PPBP: variants seen among roughly 807,000 people sequenced by gnomAD.
PPBP encodes pro-platelet basic protein.
Under a neutral mutation model 8.3 loss-of-function variants are expected in PPBP, and 8 were observed. The ratio of observed to expected loss-of-function variants is 0.97; its 90% CI spans 0.57 to 1.75. PPBP has a LOEUF of 1.75. PPBP is among the 40% of genes most tolerant of loss of function. PPBP has a pLI of 0.00. For synonymous variants in PPBP, 64 were observed against 58.9 expected (o/e 1.09, Z -0.40); for missense variants, 169 against 149.2 (o/e 1.13, Z -0.69).
At position 73,987,541 on chromosome 4, in the gene PPBP, G is replaced by A. The variant is rs150179122; in HGVS notation, c.260C>T (p.Thr87Ile). 3.7e-6 allele frequency: 6 copies of A among 1,613,908 alleles called. No homozygotes were observed. The highest frequency in any genetic ancestry group is 4.2e-6 in the Non-Finnish European group (5 of 1,179,946). The change falls in exon 2 of 3, where the codon ACC becomes ATC. Residue 87 changes from threonine to isoleucine, a missense_variant. Coordinates refer to ENST00000296028, the MANE Select transcript of PPBP (RefSeq NM_002704.3). ...IQSLEVIGKGTHCNQVEVIAT... is the reference protein window; with the variant it reads ...IQSLEVIGKGIHCNQVEVIAT... ...CATCACTTCGACTTGGTTGCAATGG[G>A]TTCCTTTCCCGATCACTTCCAAACT...
At chr4:73,987,740 A>C in intron 1 of PPBP, 88 bp from the exon 2 acceptor site, 1 of 1,509,512 alleles carries the variant, frequency 6.6e-7, no homozygotes, top group African/African-American at 1.4e-5. Flanking sequence ...TACCTCTCTC[A>C]TAAAGCCATT....
rs1271477191 is a variant in PPBP, at chr4:73,987,895, CT to C, written c.148+60del. The C allele has an allele frequency of 5.6e-6, 9 of 1,609,850 alleles. No individual in the cohort carries two copies. In the East Asian group the frequency reaches 2.0e-4, roughly 36 times the overall value. ...CCAGCCCCAAAGGCACCAAGCTAGT[CT>C]TTACCCCAGAGACAGGTGTAGCAGA... is the stretch of plus-strand genomic sequence containing the variant. On this transcript the variant is annotated intron_variant, in intron 1 of 2. Coordinates refer to ENST00000296028, the MANE Select transcript of PPBP (RefSeq NM_002704.3).
At position 73,987,020 on chromosome 4, in the gene PPBP, G is replaced by A. The variant is rs1293017266; in HGVS notation, c.*252C>T. 2 of 439,680 alleles carry A rather than the reference G, an allele frequency of 4.5e-6. No homozygotes were observed. Among genetic ancestry groups the A allele is most frequent in the East Asian group, 4.6e-5 (1 of 21,836 alleles). The allele number at this position is 439,680 out of a possible 1,614,324, so 27.2% of individuals were successfully genotyped here. A position where few individuals can be genotyped will look rare whatever the true frequency, so the allele number is the denominator to read the frequency against. ...AATAGAAATTTTTAAAGAAAAAAATGCAAAGTACAGTCCAATGTTTAGGCA... is the reference window on the plus strand; with the variant it reads ...AATAGAAATTTTTAAAGAAAAAAATACAAAGTACAGTCCAATGTTTAGGCA... On this transcript the variant is annotated 3_prime_UTR_variant, in exon 3 of 3. Coordinates refer to ENST00000296028, the MANE Select transcript of PPBP (RefSeq NM_002704.3).
rs778342233 is a variant in PPBP, at chr4:73,987,695, C to T, written c.149-43G>A. 8.3e-5 allele frequency: 133 copies of T among 1,594,528 alleles called. No individual in the cohort carries two copies. In the East Asian group the frequency reaches 1.7e-3, roughly 20 times the overall value. On this transcript the variant is annotated intron_variant, in intron 1 of 2. Coordinates refer to ENST00000296028, the MANE Select transcript of PPBP (RefSeq NM_002704.3). The stretch of plus-strand genomic sequence containing the variant: ...ACCTATTGGTGGTCATGAATATTTT[C>T]CTCAGGTCTCTTATTTGCAGATTGA...
At chr4:73,987,761 T>C (rs1053896675) in intron 1 of PPBP, 109 bp from the exon 2 acceptor site, 5 of 1,464,614 alleles carry the variant, frequency 3.4e-6, no homozygotes, top group Non-Finnish European at 4.7e-6. Flanking sequence ...GTGAATATGA[T>C]CTGTAACGCT....
At position 73,987,362 on chromosome 4, in the gene PPBP, C is replaced by CTTCA. The variant is rs1405764601; in HGVS notation, c.293_296dup (p.Lys99AsnfsTer27). The CTTCA allele has an allele frequency of 6.2e-7, 1 of 1,613,756 alleles. No individual in the cohort carries two copies. The highest frequency in any genetic ancestry group is 8.5e-7 in the Non-Finnish European group (1 of 1,179,662). ...GGTCCAGGCAGATTTTCCTCCCATC[C>CTTCA]TTCAGTGTGGCTCTGCAAAAGAGAA... On this transcript the variant is annotated frameshift_variant, in exon 3 of 3. Coordinates refer to ENST00000296028, the MANE Select transcript of PPBP (RefSeq NM_002704.3). LOFTEE classifies it low-confidence loss of function (END_TRUNC).
intron 1 of PPBP, 105 bp from the exon 2 acceptor site, chr4:73,987,757 A>C: frequency 6.8e-7 from 1 of 1,475,596 alleles, no homozygotes. Flanking sequence ...CATTGTGAAT[A>C]TGATCTGTAA....
In PPBP at chr4:73,986,918, T is replaced by C. The variant is rs1345510313; in HGVS notation, c.*354A>G. ...TGTAATTCCTATTATCATTGACCAT[T>C]ATGAAATCTAATAATACCCATGAGT... On this transcript the variant is annotated 3_prime_UTR_variant, in exon 3 of 3. Coordinates refer to ENST00000296028, the MANE Select transcript of PPBP (RefSeq NM_002704.3). 2 of 229,538 alleles carry C rather than the reference T, an allele frequency of 8.7e-6. No individual in the cohort carries two copies. Among genetic ancestry groups the C allele is most frequent in the African/African-American group, 4.7e-5 (2 of 42,354 alleles). 14.2% of individuals were successfully genotyped at this position (229,538 alleles called of 1,614,324 possible).
chr4:73,987,150 A>G lies in PPBP; in HGVS notation c.*122T>C. On this transcript the variant is annotated 3_prime_UTR_variant, in exon 3 of 3. Transcript: ENST00000296028. ...TGTGATTTTTGAGACAGAATGAAAC[A>G]CATATCCAAATTTTAATACAGTAAG... 1.2e-6 allele frequency: 1 copy of G among 844,616 alleles called. No individual in the cohort carries two copies. The highest frequency in any genetic ancestry group is 2.6e-5 in the East Asian group (1 of 38,120). 52.3% of individuals were successfully genotyped at this position (844,616 alleles called of 1,614,324 possible). A position where few individuals can be genotyped will look rare whatever the true frequency, so the allele number is the denominator to read the frequency against.
At chr4:73,987,434 T>C in intron 2 of PPBP, 60 bp from the exon 3 acceptor site, 1 of 1,607,380 alleles carries the variant, frequency 6.2e-7, no homozygotes. Flanking sequence ...AACTAATCCA[T>C]GAGACTGGAG....
At position 73,987,356 on chromosome 4, in the gene PPBP, C is replaced by T; in HGVS notation, c.303G>A (p.Gly101=). 6.2e-7 allele frequency: 1 copy of T among 1,613,858 alleles called. No individual in the cohort carries two copies. The highest frequency in any genetic ancestry group is 8.5e-7 in the Non-Finnish European group (1 of 1,179,794). ...CATCTGGGTCCAGGCAGATTTTCCT[C>T]CCATCCTTCAGTGTGGCTCTGCAAA... ...QVEVIATLKD[G]RKICLDPDAP... The change falls in exon 3 of 3, where the codon GGG becomes GGA. Residue 101 remains glycine, a synonymous_variant. Transcript: ENST00000296028.
intron 1 of PPBP, 79 bp downstream of exon 1, chr4:73,987,877 C>T: frequency 1.9e-6 from 3 of 1,594,184 alleles, no homozygotes; most frequent in South Asian, 1.1e-5. Flanking sequence ...TCTCCAGCCC[C>T]AAAGGCACCA....
Position 73,987,196 on chromosome 4 carries a change from G to A in PPBP, c.*76C>T, listed in dbSNP as rs548203131. The A allele has an allele frequency of 3.1e-6, 4 of 1,281,646 alleles. No individual in the cohort carries two copies. The highest frequency in any genetic ancestry group is 4.5e-6 in the Non-Finnish European group (4 of 888,820). The allele number at this position is 1,281,646 out of a possible 1,614,324, so 79.4% of individuals were successfully genotyped here. On this transcript the variant is annotated 3_prime_UTR_variant, in exon 3 of 3. Transcript: ENST00000296028. Reference sequence around the variant, plus strand: ...GTAAGAATAGGTATCCTGAATAAATGAGAACTCTAGAAAATCAAGGTTTCA... The same window carrying A: ...GTAAGAATAGGTATCCTGAATAAATAAGAACTCTAGAAAATCAAGGTTTCA...
At chr4:73,987,448 A>G in intron 2 of PPBP, 69 bp downstream of exon 2, 1 of 1,607,754 alleles carries the variant, frequency 6.2e-7, no homozygotes, top group East Asian at 2.2e-5. Flanking sequence ...ACTGGAGGAA[A>G]CGAGTGCATA....
chr4:73,987,463 G>A (rs1394978672), intron 2 of PPBP, 54 bp downstream of exon 2: 3 of 1,609,516 alleles, frequency 1.9e-6, no homozygotes, highest in Non-Finnish European at 2.6e-6. Context: ...TGCATATGTG[G>A]ATGGAGGTAG....
intron 1 of PPBP, 150 bp downstream of exon 1, chr4:73,987,806 A>G: frequency 7.0e-7 from 1 of 1,430,632 alleles, no homozygotes; most frequent in South Asian, 1.3e-5. Flanking sequence ...CCAGCACACA[A>G]GAAGTGAGAA....
At position 73,987,627 on chromosome 4, in the gene PPBP, A is replaced by G; in HGVS notation, c.174T>C (p.Tyr58=). Residue 58 remains tyrosine, a synonymous_variant, in exon 2 of 3, where the codon TAT becomes TAC. Coordinates refer to ENST00000296028, the MANE Select transcript of PPBP (RefSeq NM_002704.3). ...TTATACACATGCAGCGGAGTTCAGC[A>G]TACAAGTCACTGTCTAGACTTTCCT... ...GKEESLDSDL[Y]AELRCMCIKT... is the part of the protein sequence containing the mutation. The G allele has an allele frequency of 1.2e-6, 2 of 1,613,704 alleles. No individual in the cohort carries two copies. The highest frequency in any genetic ancestry group is 1.7e-6 in the Non-Finnish European group (2 of 1,179,594).
At chr4:73,987,817 G>T (rs1719004614) in intron 1 of PPBP, 139 bp downstream of exon 1, 20 of 1,452,926 alleles carry the variant, frequency 1.4e-5, no homozygotes, top group Non-Finnish European at 1.9e-5. Flanking sequence ...GAAGTGAGAA[G>T]TGACCCCCCT....
intron 1 of PPBP, 23 bp downstream of exon 1, chr4:73,987,933 G>A (rs1017037840): frequency 6.2e-7 from 1 of 1,613,904 alleles, no homozygotes; most frequent in Non-Finnish European, 8.5e-7. Context: ...GCAGCAACAA[G>A]TGCAGAGAAG....
Sources: allele counts gnomAD v4.1 joint callset, GRCh38; gene constraint gnomAD v4.1.1; transcripts MANE v1.5; gene names NCBI Gene and HGNC (gene_info 2026-07-23, HGNC 2026-07-21).